Variants in INSYN2B observed in about 807,000 individuals in gnomAD.
INSYN2B encodes the protein inhibitory synaptic factor family member 2B.
Under a neutral mutation model 41.2 loss-of-function variants are expected in INSYN2B, and 16 were observed. The observed-to-expected ratio is 0.39, with a 90% confidence interval of 0.26 to 0.59. INSYN2B has a LOEUF of 0.59. INSYN2B is among the 20% of genes least tolerant of loss of function. INSYN2B has a pLI of 0.57. For synonymous variants in INSYN2B, 245 were observed against 244.4 expected (o/e 1.00, Z -0.02); for missense variants, 608 against 646.4 (o/e 0.94, Z 0.64).
intron 1 of INSYN2B, among the ~76,000 whole-genome samples, chr5:169,963,777 G>A (rs576170807): frequency 1.3e-5 from 2 of 152,180 alleles, no homozygotes; most frequent in East Asian, 3.9e-4. Flanking sequence ...ACTCACTACA[G>A]ATGCTCTCTA....
rs35400869 is a variant in INSYN2B at position 169,883,955 on chromosome 5, AG to A, written c.-58del. ...ACTTCTCCTAGGCACATCTCCCCTTAGGTCTTTGGAGCAGTATCTAATGATA... is the reference window on the plus strand; with the variant it reads ...ACTTCTCCTAGGCACATCTCCCCTTAGTCTTTGGAGCAGTATCTAATGATA... On this transcript the variant is annotated 5_prime_UTR_variant, in exon 2 of 4. It removes the in-frame stop codon of an upstream open reading frame in the 5' UTR. Coordinates refer to ENST00000377365, the MANE Select transcript of INSYN2B (RefSeq NM_001129891.3). The A allele has an allele frequency of 1.4e-6, 2 of 1,404,056 alleles. No individual in the cohort carries two copies. The highest frequency in any genetic ancestry group is 5.0e-5 in the East Asian group (2 of 39,718). 87.0% of individuals were successfully genotyped at this position (1,404,056 alleles called of 1,614,324 possible).
At chr5:169,914,274 C>T (rs1428744872) in intron 1 of INSYN2B, among the ~76,000 whole-genome samples, 1 of 152,184 alleles carries the variant, frequency 6.6e-6, no homozygotes, top group Non-Finnish European at 1.5e-5. Flanking sequence ...CTCAATTCAC[C>T]TTACCCCATT....
intron 1 of INSYN2B, among the ~76,000 whole-genome samples, chr5:169,896,526 TAAG>T (rs1419683004): frequency 2.0e-5 from 3 of 152,196 alleles, no homozygotes; most frequent in Non-Finnish European, 4.4e-5. Flanking sequence ...TAATATTACT[TAAG>T]AAGCTGGCTG....
intron 1 of INSYN2B, among the ~76,000 whole-genome samples, chr5:169,905,217 C>T (rs1474870012): frequency 1.3e-5 from 2 of 151,748 alleles, no homozygotes; most frequent in African/African-American, 4.8e-5. Flanking sequence ...AGAAATGTGC[C>T]ACAAAGGGGA....
chr5:169,911,566 A>G (rs1774601489), intron 1 of INSYN2B, among the ~76,000 whole-genome samples: 1 of 152,224 alleles, frequency 6.6e-6, no homozygotes, highest in Admixed American at 6.5e-5. Flanking sequence ...AGGAGTAATT[A>G]TACTTTATGA....
chr5:169,870,839 T>A (rs570063592), intron 3 of INSYN2B, among the ~76,000 whole-genome samples: 1 of 152,280 alleles, frequency 6.6e-6, no homozygotes, highest in African/African-American at 2.4e-5. Flanking sequence ...ACAAGCAGAA[T>A]CTAAACCCTA....
intron 1 of INSYN2B, among the ~76,000 whole-genome samples, chr5:169,901,567 G>T (rs1223475105): frequency 6.6e-6 from 1 of 152,168 alleles, no homozygotes; most frequent in Non-Finnish European, 1.5e-5. Flanking sequence ...CAGTGGGGAG[G>T]CTGTAACAGT....
chr5:169,886,671 T>C (rs778094476), intron 1 of INSYN2B, among the ~76,000 whole-genome samples: 2 of 152,232 alleles, frequency 1.3e-5, no homozygotes, highest in African/African-American at 4.8e-5. Flanking sequence ...GAGTAAGCAG[T>C]TGAAATTTGT....
chr5:169,890,126 T>C (rs1773198834), intron 1 of INSYN2B, among the ~76,000 whole-genome samples: 1 of 152,384 alleles, frequency 6.6e-6, no homozygotes, highest in Admixed American at 6.5e-5. Context: ...ACTGGAACCC[T>C]GTCTTCCTGC....
intron 1 of INSYN2B, among the ~76,000 whole-genome samples, chr5:169,973,969 A>G (rs1777618349): frequency 6.6e-6 from 1 of 152,198 alleles, no homozygotes; most frequent in South Asian, 2.1e-4. Context: ...GTTTCCTAAT[A>G]TTCAAGGTTA....
At chr5:169,948,673 G>T (rs1184882935) in intron 1 of INSYN2B, among the ~76,000 whole-genome samples, 1 of 149,824 alleles carries the variant, frequency 6.7e-6, no homozygotes, top group Non-Finnish European at 1.5e-5. Context: ...GAGTGCAGTG[G>T]TGTGATTATG....
chr5:169,954,478 C>G (rs1226254525), intron 1 of INSYN2B, among the ~76,000 whole-genome samples: 1 of 152,196 alleles, frequency 6.6e-6, no homozygotes, highest in Admixed American at 6.5e-5. Flanking sequence ...TAGATGAAGG[C>G]AGTCAGGCAG....
chr5:169,956,193 A>G (rs1054744331), intron 1 of INSYN2B, among the ~76,000 whole-genome samples: 116 of 152,330 alleles, frequency 7.6e-4, no homozygotes, highest in African/African-American at 2.7e-3. Flanking sequence ...GATGGTCTCT[A>G]AGATTCATCC....
intron 1 of INSYN2B, among the ~76,000 whole-genome samples, chr5:169,973,364 C>G (rs1777596661): frequency 6.6e-6 from 1 of 152,140 alleles, no homozygotes; most frequent in Non-Finnish European, 1.5e-5. Flanking sequence ...ACAGACTGTT[C>G]CTGGTGAATC....
chr5:169,902,068 A>G (rs1188250186), intron 1 of INSYN2B, among the ~76,000 whole-genome samples: 4 of 152,226 alleles, frequency 2.6e-5, no homozygotes, highest in African/African-American at 9.6e-5. Flanking sequence ...TGCCAAGGAA[A>G]CCACAGAAAC....
intron 1 of INSYN2B, among the ~76,000 whole-genome samples, chr5:169,896,371 T>C (rs922905003): frequency 1.4e-4 from 21 of 152,172 alleles, no homozygotes; most frequent in African/African-American, 5.1e-4. Context: ...GAGCTTGCAT[T>C]CTGAAAACAG....
intron 1 of INSYN2B, among the ~76,000 whole-genome samples, chr5:169,963,783 C>T (rs1288606763): frequency 1.3e-5 from 2 of 152,178 alleles, no homozygotes; most frequent in Non-Finnish European, 2.9e-5. Flanking sequence ...TACAGATGCT[C>T]TCTAAGGCCC....
chr5:169,903,037 G>A (rs1306636046), intron 1 of INSYN2B, among the ~76,000 whole-genome samples: 1 of 151,992 alleles, frequency 6.6e-6, no homozygotes, highest in Non-Finnish European at 1.5e-5. Flanking sequence ...GGTGGAGGTT[G>A]CAGTGAGCTG....
chr5:169,931,969 C>A (rs941536219), intron 1 of INSYN2B, among the ~76,000 whole-genome samples: 1 of 152,310 alleles, frequency 6.6e-6, no homozygotes. Flanking sequence ...GAGCCTGCTG[C>A]CTGCCAGGAA....
Sources: gnomAD v4.1 joint callset for allele counts (sites outside exome capture counted in the v4.1 genomes callset) on GRCh38, gnomAD v4.1.1 for gene constraint, MANE v1.5 for transcripts, NCBI Gene and HGNC (gene_info 2026-07-23, HGNC 2026-07-21) for gene names.